PBX3: variants seen among roughly 807,000 people sequenced by gnomAD.
PBX3 encodes the protein pre-B-cell leukemia transcription factor 3.
A neutral mutation model predicts 48.5 loss-of-function variants in PBX3; 14 were observed. That is an observed-to-expected ratio of 0.29 (90% CI 0.19 to 0.45). PBX3 has a LOEUF of 0.45. Ranked by LOEUF, PBX3 falls within the 20% of genes least tolerant of loss-of-function variation. PBX3 has a pLI of 1.00. For missense variants in PBX3, 386 were observed against 546.7 expected (o/e 0.71, Z 2.93); for synonymous variants, 210 against 200.3 (o/e 1.05, Z -0.41).
At chr9:125,852,133 TC>T (rs1789332345) in intron 2 of PBX3, among the ~76,000 whole-genome samples, 1 of 152,132 alleles carries the variant, frequency 6.6e-6, no homozygotes, top group African/African-American at 2.4e-5. Context: ...CCCTACTTTG[TC>T]AGGATGGTAT....
At chr9:125,749,560 C>CTTTTTTTTTTT (rs75281692) in intron 2 of PBX3, 1 of 115,350 alleles carries the variant, frequency 8.7e-6, no homozygotes. Flanking sequence ...TCTTTTCTTT[C>CTTTTTTTTTTT]TTTTTTTTTT....
chr9:125,779,434 C>T (rs1299168766), intron 2 of PBX3, among the ~76,000 whole-genome samples: 2 of 134,872 alleles, frequency 1.5e-5, no homozygotes, highest in Non-Finnish European at 3.1e-5. Context: ...TCCCTGGGTA[C>T]TTGAGATTAG....
chr9:125,878,781 T>C (rs1224866378), intron 2 of PBX3, among the ~76,000 whole-genome samples: 2 of 152,238 alleles, frequency 1.3e-5, no homozygotes, highest in African/African-American at 2.4e-5. Context: ...AGTTAAAACC[T>C]CACACTAAGT....
intron 2 of PBX3, among the ~76,000 whole-genome samples, chr9:125,776,208 G>A (rs766621524): frequency 1.3e-5 from 2 of 152,172 alleles, no homozygotes; most frequent in Non-Finnish European, 2.9e-5. Context: ...TCACCATTGA[G>A]TATATTGTTA....
intron 2 of PBX3, among the ~76,000 whole-genome samples, chr9:125,761,705 T>G (rs1281063161): frequency 6.6e-6 from 1 of 152,172 alleles, no homozygotes; most frequent in Admixed American, 6.5e-5. Flanking sequence ...CAGCACTATG[T>G]GTTTTTAGGA....
intron 2 of PBX3, among the ~76,000 whole-genome samples, chr9:125,773,150 G>GAATATATTA (rs1836984209): frequency 6.6e-6 from 1 of 152,170 alleles, no homozygotes; most frequent in East Asian, 1.9e-4. Context: ...AACTTAGAAG[G>GAATATATTA]AATATATTAC....
chr9:125,818,995 C>A (rs1283484029), intron 2 of PBX3, among the ~76,000 whole-genome samples: 1 of 151,580 alleles, frequency 6.6e-6, no homozygotes, highest in Non-Finnish European at 1.5e-5. Context: ...ACCACCAAAT[C>A]TGGCTAATTT....
At chr9:125,762,899 C>T (rs1181944610) in intron 2 of PBX3, among the ~76,000 whole-genome samples, 3 of 152,148 alleles carry the variant, frequency 2.0e-5, no homozygotes, top group Non-Finnish European at 4.4e-5. Flanking sequence ...ATTAAACTCA[C>T]TTGAGCAGAT....
At chr9:125,861,755 G>A (rs1839868006) in intron 2 of PBX3, among the ~76,000 whole-genome samples, 1 of 152,156 alleles carries the variant, frequency 6.6e-6, no homozygotes, top group Non-Finnish European at 1.5e-5. Context: ...TATATGAAAT[G>A]TCCTGAAAAG....
At chr9:125,781,003 G>C (rs1229352859) in intron 2 of PBX3, among the ~76,000 whole-genome samples, 4 of 107,290 alleles carry the variant, frequency 3.7e-5, no homozygotes, top group African/African-American at 1.7e-4. Context: ...AGATGGGATG[G>C]CGGCCGGGCA....
rs1564681272 is a variant in PBX3, at chr9:125,835,051, A to AAAAAAAAAAAAAT, written c.275-80635_275-80634insAAAAAAAAAAAAT. ...AAAAAAAAAAAAAAAAAAAAAAAAA[A>AAAAAAAAAAAAAT]GGGCAAAAGATATGAAAAGACAAGT... is the stretch of plus-strand genomic sequence containing the variant. On this transcript the variant is annotated intron_variant, in intron 2 of 8. Coordinates refer to ENST00000373489, the MANE Select transcript of PBX3 (RefSeq NM_006195.6). 8.3e-5 allele frequency among the ~76,000 whole-genome samples: 9 copies of AAAAAAAAAAAAAT among 108,060 alleles called. 2 individuals carry two copies. Among genetic ancestry groups the AAAAAAAAAAAAAT allele is most frequent in the African/African-American group, 3.4e-4 (9 of 26,366 alleles). The allele number at this position is 108,060 out of a possible 152,430, so 70.9% of individuals were successfully genotyped here. A position where few individuals can be genotyped will look rare whatever the true frequency, so the allele number is the denominator to read the frequency against.
At chr9:125,760,945 TGGAG>T (rs1564641168) in intron 2 of PBX3, among the ~76,000 whole-genome samples, 1 of 152,220 alleles carries the variant, frequency 6.6e-6, no homozygotes. Flanking sequence ...CATGTGTATA[TGGAG>T]GAAGTGCCAT....
rs546508795 is a variant in PBX3 at position 125,832,880 on chromosome 9, G to T, written c.275-82806G>T. On this transcript the variant is annotated intron_variant, in intron 2 of 8. Transcript: ENST00000373489. ...GGCCACACCTATCTATAATTCCAGG[G>T]TTTAGGAGGGATTCCTTGTCACCTG... Among the ~76,000 whole-genome samples, 40 of 152,240 alleles carry T rather than the reference G, an allele frequency of 2.6e-4. No individual in the cohort carries two copies. In the South Asian group the frequency reaches 7.9e-3, roughly 30 times the overall value.
intron 2 of PBX3, among the ~76,000 whole-genome samples, chr9:125,908,584 G>A (rs1025117139): frequency 6.6e-6 from 1 of 151,666 alleles, no homozygotes; most frequent in Non-Finnish European, 1.5e-5. Flanking sequence ...GAGATCCCAG[G>A]CATGTGGTAA....
At chr9:125,749,081 A>G (rs952104861) in intron 2 of PBX3, 12 of 160,560 alleles carry the variant, frequency 7.5e-5, no homozygotes, top group Non-Finnish European at 1.4e-4. Flanking sequence ...AACAGACCCC[A>G]GTAGCATGCT....
chr9:125,851,379 C>T (rs1015478400), intron 2 of PBX3, among the ~76,000 whole-genome samples: 4 of 151,914 alleles, frequency 2.6e-5, no homozygotes, highest in Admixed American at 2.0e-4. Flanking sequence ...TAAGAAAGAT[C>T]GACAGCCTAG....
chr9:125,819,922 C>T (rs1426132531), intron 2 of PBX3, among the ~76,000 whole-genome samples: 1 of 151,784 alleles, frequency 6.6e-6, no homozygotes, highest in Non-Finnish European at 1.5e-5. Flanking sequence ...TTTTGTATTT[C>T]CCATGTAAAT....
At position 125,962,095 on chromosome 9, in the gene PBX3, T is replaced by C; in HGVS notation, c.1010-7T>C. On this transcript the variant is annotated splice_region_variant and splice_polypyrimidine_tract_variant and intron_variant, in intron 6 of 8. Transcript: ENST00000373489. ...GTTATTCAGCTACTTAACTCTTTCC[T>C]TTCCAGGTTCTTCTGGTTCTTTTAA... is the stretch of plus-strand genomic sequence containing the variant. The C allele has an allele frequency of 6.7e-7, 1 of 1,483,406 alleles. No individual in the cohort carries two copies. Among genetic ancestry groups the C allele is most frequent in the Non-Finnish European group, 9.4e-7 (1 of 1,061,118 alleles). The allele number at this position is 1,483,406 out of a possible 1,614,324, so 91.9% of individuals were successfully genotyped here.
intron 2 of PBX3, among the ~76,000 whole-genome samples, chr9:125,811,056 T>C (rs1838275515): frequency 6.6e-6 from 1 of 152,190 alleles, no homozygotes; most frequent in Non-Finnish European, 1.5e-5. Flanking sequence ...ATAGCTCCCA[T>C]CTCTTCATGG....
Sources: allele counts gnomAD v4.1 joint callset (sites outside exome capture counted in the v4.1 genomes callset), GRCh38; gene constraint gnomAD v4.1.1; transcripts MANE v1.5; gene names NCBI Gene and HGNC (gene_info 2026-07-23, HGNC 2026-07-21).